The following TMPRSS15 variants were observed in gnomAD, a reference collection of about 807,000 sequenced individuals.
TMPRSS15 encodes the protein enteropeptidase.
Under a neutral mutation model 125.3 loss-of-function variants are expected in TMPRSS15, and 128 were observed. The ratio of observed to expected loss-of-function variants is 1.02; its 90% CI spans 0.89 to 1.18. The LOEUF (loss-of-function observed/expected upper bound fraction) is 1.18, where lower values mean the gene tolerates loss of function less well. Among genes scored for constraint, TMPRSS15 ranks in the 50% most tolerant of loss-of-function variants. TMPRSS15 has a pLI of 0.00. For synonymous variants in TMPRSS15, 446 were observed against 423.2 expected, an observed-to-expected ratio of 1.05 and a Z score of -0.66; for missense variants, 1,283 against 1,212.7, an observed-to-expected ratio of 1.06 and a Z score of -0.86.
At chr21:18,378,210 T>C (rs1161342497) in intron 5 of TMPRSS15, among the ~76,000 whole-genome samples, 1 of 152,134 alleles carries the variant, frequency 6.6e-6, no homozygotes, top group African/African-American at 2.4e-5. Flanking sequence ...GAATTAACCA[T>C]TATCAATCCC....
chr21:18,332,019 T>G, intron 14 of TMPRSS15, 65 bp downstream of exon 14: 1 of 1,406,382 alleles, frequency 7.1e-7, no homozygotes, highest in Non-Finnish European at 1.0e-6. Context: ...CTTTGCTGCG[T>G]CAAGGGGAGA....
intron 4 of TMPRSS15, 82 bp downstream of exon 4, chr21:18,383,545 T>C (rs1007503275): frequency 9.3e-6 from 14 of 1,505,026 alleles, no homozygotes; most frequent in Non-Finnish European, 1.3e-5. Flanking sequence ...CAAGCATGAT[T>C]CCACTTCCTC....
chr21:18,330,872 A>G (rs1465514954), intron 14 of TMPRSS15, among the ~76,000 whole-genome samples: 1 of 152,040 alleles, frequency 6.6e-6, no homozygotes, highest in Non-Finnish European at 1.5e-5. Flanking sequence ...GCAGATCGAG[A>G]CCATCCTGGC....
chr21:18,341,301 C>G, intron 13 of TMPRSS15, 112 bp downstream of exon 13: 1 of 1,353,772 alleles, frequency 7.4e-7, no homozygotes, highest in Non-Finnish European at 1.1e-6. Context: ...AAACTCCTGG[C>G]TTCAAGCAAT....
At position 18,375,843 on chromosome 21, in the gene TMPRSS15, T is replaced by C. The variant is rs144294552; in HGVS notation, c.532+3440A>G. Among the ~76,000 whole-genome samples the C allele has an allele frequency of 8.0e-3, 1,212 of 152,282 alleles. 9 individuals are homozygous for C. Among genetic ancestry groups the C allele is most frequent in the Middle Eastern group, 0.017 (5 of 294 alleles). On this transcript the variant is annotated intron_variant, in intron 5 of 24. Transcript: ENST00000284885. ...TTTGACATTAGGAACCTCCTGTGCC[T>C]ACGGAGAGCAGGCTCTGTGCTAGGC... is the stretch of plus-strand genomic sequence containing the variant.
intron 1 of TMPRSS15, among the ~76,000 whole-genome samples, chr21:18,418,573 C>G (rs538809498): frequency 6.6e-6 from 1 of 152,122 alleles, no homozygotes; most frequent in East Asian, 1.9e-4. Context: ...AAAATGTTAC[C>G]CCCCCAATCA....
chr21:18,474,116 A>G (rs1978831265), intron 1 of TMPRSS15, among the ~76,000 whole-genome samples: 2 of 151,968 alleles, frequency 1.3e-5, no homozygotes, highest in Non-Finnish European at 1.5e-5. Context: ...ATAAAGTTGC[A>G]TATATATCCA....
At chr21:18,423,026 A>G (rs1245361778) in intron 1 of TMPRSS15, among the ~76,000 whole-genome samples, 1 of 152,204 alleles carries the variant, frequency 6.6e-6, no homozygotes. Flanking sequence ...GGTCAGGCTC[A>G]TATGCAGTGC....
At chr21:18,454,248 A>G (rs1242059795) in intron 1 of TMPRSS15, among the ~76,000 whole-genome samples, 1 of 152,144 alleles carries the variant, frequency 6.6e-6, no homozygotes, top group Non-Finnish European at 1.5e-5. Context: ...TGAATGCATC[A>G]TTTCTTCCTT....
chr21:18,457,283 G>T (rs1307823790), intron 1 of TMPRSS15, among the ~76,000 whole-genome samples: 2 of 152,066 alleles, frequency 1.3e-5, no homozygotes, highest in African/African-American at 4.8e-5. Flanking sequence ...GCATGTGAAT[G>T]GTGTCAGTCT....
intron 1 of TMPRSS15, chr21:18,460,614 TGG>T (rs1396713401): frequency 6.6e-6 from 1 of 152,258 alleles, no homozygotes; most frequent in Non-Finnish European, 1.5e-5. Context: ...CAGGGTGGGC[TGG>T]CAGGTGGGAG....
intron 3 of TMPRSS15, 125 bp from the exon 4 acceptor site, chr21:18,383,903 T>C: frequency 1.8e-6 from 2 of 1,105,536 alleles, no homozygotes; most frequent in South Asian, 2.8e-5. Flanking sequence ...ATTATACCTG[T>C]GTAAGGTAGT....
intron 3 of TMPRSS15, among the ~76,000 whole-genome samples, chr21:18,389,396 C>A (rs2075972914): frequency 6.6e-6 from 1 of 151,944 alleles, no homozygotes; most frequent in Non-Finnish European, 1.5e-5. Flanking sequence ...GGGAAACCAT[C>A]TCTACACTGA....
upstream of TMPRSS15, among the ~76,000 whole-genome samples, chr21:18,407,037 A>G (rs1356771085): frequency 3.9e-5 from 6 of 152,344 alleles, no homozygotes; most frequent in East Asian, 1.2e-3. Context: ...TTAGAGGGTT[A>G]TATGTGATGT....
At chr21:18,387,299 C>T (rs1026907007) in intron 3 of TMPRSS15, among the ~76,000 whole-genome samples, 1 of 152,022 alleles carries the variant, frequency 6.6e-6, no homozygotes, top group Non-Finnish European at 1.5e-5. Flanking sequence ...GCAGAGAAAT[C>T]CTACTATGGT....
At chr21:18,311,448 CA>C (rs1027267362) in intron 18 of TMPRSS15, among the ~76,000 whole-genome samples, 3 of 151,966 alleles carry the variant, frequency 2.0e-5, no homozygotes, top group East Asian at 3.8e-4. Context: ...AGACATTTCT[CA>C]AAAAAAGACA....
chr21:18,296,826 A>G (rs2146904473), intron 19 of TMPRSS15, among the ~76,000 whole-genome samples: 1 of 152,308 alleles, frequency 6.6e-6, no homozygotes, highest in South Asian at 2.1e-4. Context: ...CCCAGCAAAC[A>G]TTGATATAAA....
chr21:18,484,594 C>T (rs1342858462), intron 1 of TMPRSS15, among the ~76,000 whole-genome samples: 1 of 151,658 alleles, frequency 6.6e-6, no homozygotes, highest in Non-Finnish European at 1.5e-5. Flanking sequence ...TATATGCAGA[C>T]TAGCATACTT....
chr21:18,470,322 A>G (rs1978753075), intron 1 of TMPRSS15, among the ~76,000 whole-genome samples: 1 of 114,264 alleles, frequency 8.8e-6, no homozygotes, highest in South Asian at 2.5e-4. Context: ...ACAGAAAACA[A>G]AAAAAAAAGT....
Sources: allele counts gnomAD v4.1 joint callset (sites outside exome capture counted in the v4.1 genomes callset), GRCh38; gene constraint gnomAD v4.1.1; transcripts MANE v1.5; gene names NCBI Gene and HGNC (gene_info 2026-07-23, HGNC 2026-07-21).